PGPEP1L: variants seen among roughly 807,000 people sequenced by gnomAD.
PGPEP1L encodes the protein pyroglutamyl-peptidase I like.
In PGPEP1L, 7 loss-of-function variants were observed where a neutral mutation model predicts 6.0. That is an observed-to-expected ratio of 1.17 (90% CI 0.66 to 2.19). PGPEP1L has a LOEUF of 2.19. Among genes scored for constraint, PGPEP1L ranks in the 30% most tolerant of loss-of-function variants. The probability of loss-of-function intolerance (pLI) is 0.00; values close to 1 mark genes in which losing one functional copy is unlikely to be tolerated. For synonymous variants in PGPEP1L, 103 were observed against 83.9 expected (o/e 1.23, Z -1.24); for missense variants, 209 against 192.5 (o/e 1.09, Z -0.51).
rs1323480035 is a variant in PGPEP1L at position 98,969,445 on chromosome 15, G to C, written c.189C>G (p.Ile63Met). 7 of 1,613,912 alleles carry C rather than the reference G, an allele frequency of 4.3e-6. No individual in the cohort carries two copies. Among genetic ancestry groups the C allele is most frequent in the Non-Finnish European group, 5.9e-6 (7 of 1,179,908 alleles). The change falls in exon 4 of 5, where the codon ATC (isoleucine) becomes ATG (methionine). Residue 63 changes from isoleucine (I) to methionine (M), a missense_variant. Ile to Met is a conservative substitution (Grantham distance 10, BLOSUM62 1). Transcript: ENST00000535714. ...CATACCTGCCTGCATCTCGGGAAAA[G>C]ATCACGTCGACACCCTCCACAGCTA... is the stretch of plus-strand genomic sequence containing the variant. ...KRVAVEGVDVIFSRDAGRYVC... is the reference protein window; with the variant it reads ...KRVAVEGVDVMFSRDAGRYVC...
At chr15:98,999,653 C>T (rs551045399) in intron 2 of PGPEP1L, among the ~76,000 whole-genome samples, 1 of 152,192 alleles carries the variant, frequency 6.6e-6, no homozygotes, top group African/African-American at 2.4e-5. Context: ...TTGTAATAGA[C>T]CAAAGCTGGA....
At position 99,004,904 on chromosome 15, in the gene PGPEP1L, C is replaced by T. The variant is rs144641404; in HGVS notation, c.-142+525G>A. 6.9e-3 allele frequency among the ~76,000 whole-genome samples: 1,048 copies of T among 151,628 alleles called. 14 individuals are homozygous for T. Among genetic ancestry groups the T allele is most frequent in the African/African-American group, 0.024 (1,008 of 41,282 alleles). On this transcript the variant is annotated intron_variant, in intron 2 of 4. Transcript: ENST00000535714. ...CTCAGGGTCTCCAGCTAGTGGCTCT[C>T]GGGGGGTGCTTCACAGCTCCCTGAA...
chr15:98,978,213 T>C (rs886810428), intron 2 of PGPEP1L, among the ~76,000 whole-genome samples: 1 of 152,216 alleles, frequency 6.6e-6, no homozygotes, highest in Non-Finnish European at 1.5e-5. Context: ...GCACACATGC[T>C]TCCCTGATGA....
intron 2 of PGPEP1L, among the ~76,000 whole-genome samples, chr15:98,973,248 G>C (rs1047159820): frequency 6.6e-6 from 1 of 152,142 alleles, no homozygotes; most frequent in African/African-American, 2.4e-5. Flanking sequence ...GAGATTAACT[G>C]CAACCAATAA....
intron 2 of PGPEP1L, among the ~76,000 whole-genome samples, chr15:98,983,420 G>C (rs144543818): frequency 4.6e-5 from 7 of 152,340 alleles, no homozygotes; most frequent in Admixed American, 1.3e-4. Context: ...AATATGAGAA[G>C]AGCCCTGACC....
chr15:99,000,253 C>G (rs1487679351), intron 2 of PGPEP1L, among the ~76,000 whole-genome samples: 1 of 152,238 alleles, frequency 6.6e-6, no homozygotes, highest in African/African-American at 2.4e-5. Context: ...CCGGGCAGGG[C>G]TCAGGACCTG....
rs530426067 is a variant in PGPEP1L, at chr15:99,005,934, C to G, written c.-369-278G>C. The stretch of plus-strand genomic sequence containing the variant: ...TCGTTTACTTAGATCTTATTTTTTC[C>G]TCTTTAGTAATCCCTGCCAGAGCCC... On this transcript the variant is annotated intron_variant, in intron 1 of 4. Transcript: ENST00000535714. Among the ~76,000 whole-genome samples, 8 of 152,252 alleles carry G rather than the reference C, an allele frequency of 5.3e-5. No homozygotes were observed. The South Asian group carries it at 1.5e-3, about 28-fold the overall frequency.
chr15:98,985,114 G>T lies in PGPEP1L; in HGVS notation c.-141-13956C>A, dbSNP rs918848284. Among the ~76,000 whole-genome samples the T allele has an allele frequency of 2.0e-5, 3 of 152,118 alleles. No individual in the cohort carries two copies. The East Asian group carries it at 5.8e-4, about 29-fold the overall frequency. On this transcript the variant is annotated intron_variant, in intron 2 of 4. Coordinates refer to ENST00000535714, the MANE Select transcript of PGPEP1L (RefSeq NM_001167902.2). Reference sequence around the variant, plus strand: ...GCACTGGACGCAGAGCTTGAGGAGGGGCAAATATGAACTCACGGCACAGGG... The same window carrying T: ...GCACTGGACGCAGAGCTTGAGGAGGTGCAAATATGAACTCACGGCACAGGG...
At chr15:98,983,922 C>T (rs1203721995) in intron 2 of PGPEP1L, among the ~76,000 whole-genome samples, 1 of 151,788 alleles carries the variant, frequency 6.6e-6, no homozygotes, top group Non-Finnish European at 1.5e-5. Context: ...AGGCAAAATG[C>T]TGCGGTGTAA....
At chr15:98,984,009 C>CTT (rs71456904) in intron 2 of PGPEP1L, among the ~76,000 whole-genome samples, 1,715 of 115,612 alleles carry the variant, frequency 0.015, 65 homozygotes, top group Non-Finnish European at 0.022. Context: ...AGTAAGTAGT[C>CTT]TTTTTTTTTT....
At chr15:98,980,625 T>C (rs2017644821) in intron 2 of PGPEP1L, among the ~76,000 whole-genome samples, 1 of 151,714 alleles carries the variant, frequency 6.6e-6, no homozygotes, top group African/African-American at 2.4e-5. Context: ...AGGATAGAAG[T>C]GGGGACAAAA....
intron 3 of PGPEP1L, 53 bp from the exon 4 acceptor site, chr15:98,969,704 C>T: frequency 6.3e-7 from 1 of 1,575,256 alleles, no homozygotes; most frequent in Non-Finnish European, 8.6e-7. Flanking sequence ...GCCCACCCTG[C>T]TCACCAAATG....
intron 2 of PGPEP1L, among the ~76,000 whole-genome samples, chr15:98,984,375 G>A (rs1257594494): frequency 1.3e-5 from 2 of 152,106 alleles, no homozygotes; most frequent in Non-Finnish European, 1.5e-5. Flanking sequence ...GACTCTTGCT[G>A]GGAGAATGCA....
At chr15:98,995,387 C>A (rs1005316180) in intron 2 of PGPEP1L, among the ~76,000 whole-genome samples, 2 of 152,182 alleles carry the variant, frequency 1.3e-5, no homozygotes, top group South Asian at 4.1e-4. Flanking sequence ...ACCTCCCATA[C>A]AATTATCCCA....
intron 2 of PGPEP1L, among the ~76,000 whole-genome samples, chr15:99,003,194 T>A (rs1596529998): frequency 1.5e-4 from 17 of 111,338 alleles, no homozygotes; most frequent in East Asian, 2.3e-4. Flanking sequence ...TTATAGAAAA[T>A]AGTGAGATTA....
At chr15:98,981,524 CAACA>C (rs140320090) in intron 2 of PGPEP1L, among the ~76,000 whole-genome samples, 28,434 of 146,660 alleles carry the variant, frequency 0.19, 3,680 homozygotes, top group East Asian at 0.38. Flanking sequence ...AAAACAAAAA[CAACA>C]AACAAAACTA....
intron 2 of PGPEP1L, among the ~76,000 whole-genome samples, chr15:98,973,922 T>G (rs1479156445): frequency 2.0e-5 from 3 of 152,064 alleles, no homozygotes; most frequent in Non-Finnish European, 4.4e-5. Flanking sequence ...TAGGTGGTTT[T>G]GGGAACAAAC....
intron 2 of PGPEP1L, among the ~76,000 whole-genome samples, chr15:98,979,543 C>T (rs141683957): frequency 1.3e-4 from 19 of 148,860 alleles, no homozygotes; most frequent in Admixed American, 7.4e-4. Context: ...AAAGAAACTG[C>T]GGTATATAGA....
At chr15:98,992,102 C>A (rs2151763028) in intron 2 of PGPEP1L, among the ~76,000 whole-genome samples, 1 of 152,262 alleles carries the variant, frequency 6.6e-6, no homozygotes, top group East Asian at 1.9e-4. Flanking sequence ...CTGGTCAGGG[C>A]AGTCAGGCAA....
Sources: allele counts gnomAD v4.1 joint callset (sites outside exome capture counted in the v4.1 genomes callset), GRCh38; gene constraint gnomAD v4.1.1; transcripts MANE v1.5; gene names NCBI Gene and HGNC (gene_info 2026-07-23, HGNC 2026-07-21).